Variants in PDE1A observed in about 807,000 individuals in gnomAD.
PDE1A encodes dual specificity calcium/calmodulin-dependent 3',5'-cyclic nucleotide phosphodiesterase 1A.
Under a neutral mutation model 61.7 loss-of-function variants are expected in PDE1A, and 35 were observed. That is an observed-to-expected ratio of 0.57 (90% confidence interval 0.43 to 0.75). The LOEUF is 0.75. Among genes scored for constraint, PDE1A ranks in the 30% least tolerant of loss-of-function variants. PDE1A has a pLI of 0.00. For missense variants in PDE1A, 597 were observed against 630.6 expected (o/e 0.95, Z 0.57); for synonymous variants, 232 against 213.2 (o/e 1.09, Z -0.77).
chr2:182,395,755 T>C (rs1434024314), intron 1 of PDE1A, among the ~76,000 whole-genome samples: 2 of 152,146 alleles, frequency 1.3e-5, no homozygotes, highest in African/African-American at 4.8e-5. Flanking sequence ...TTTGGAGCCT[T>C]TGGAAGGCCC....
chr2:182,630,658 TA>T, the PDE1A span, among the ~76,000 whole-genome samples: 1 of 152,226 alleles, frequency 6.6e-6, no homozygotes, highest in East Asian at 1.9e-4. Context: ...ATTTCATTTT[TA>T]TGTAAACATT....
chr2:182,230,082 T>G, exon 6 of PDE1A: 3 of 1,612,914 alleles, frequency 1.9e-6, no homozygotes, highest in Non-Finnish European at 1.7e-6. Flanking sequence ...GTGATATGGA[T>G]TTTTGTACTT....
intron 2 of PDE1A, among the ~76,000 whole-genome samples, chr2:182,451,557 T>C (rs1002366441): frequency 2.6e-5 from 4 of 152,126 alleles, no homozygotes; most frequent in African/African-American, 9.7e-5. Flanking sequence ...TAAGCCTTTT[T>C]TAAAATGTTA....
At chr2:182,497,805 G>C (rs915497962) in intron 2 of PDE1A, among the ~76,000 whole-genome samples, 4 of 152,000 alleles carry the variant, frequency 2.6e-5, no homozygotes, top group Admixed American at 2.0e-4. Context: ...CACTTTGGGA[G>C]GCCGAGGTCG....
chr2:182,502,174 T>C (rs1400692126), intron 2 of PDE1A, among the ~76,000 whole-genome samples: 1 of 152,230 alleles, frequency 6.6e-6, no homozygotes, highest in African/African-American at 2.4e-5. Context: ...ACCAGAGTTT[T>C]CACCTATCTA....
chr2:182,536,153 C>T, the PDE1A span, among the ~76,000 whole-genome samples: 3 of 152,172 alleles, frequency 2.0e-5, no homozygotes, highest in Non-Finnish European at 4.4e-5. Flanking sequence ...ACTCACACTT[C>T]TCAACTTCTG....
At chr2:182,543,697 TA>T in the PDE1A span, among the ~76,000 whole-genome samples, 669 of 151,146 alleles carry the variant, frequency 4.4e-3, 3 homozygotes, top group African/African-American at 0.015. Flanking sequence ...ATTTTTTCAT[TA>T]AAAAAAAAGA....
At chr2:182,228,966 C>T (rs1027480632) in intron 6 of PDE1A, among the ~76,000 whole-genome samples, 7 of 152,058 alleles carry the variant, frequency 4.6e-5, no homozygotes, top group African/African-American at 7.2e-5. Flanking sequence ...AGGAGTCATG[C>T]GAGGCTGGGC....
chr2:182,353,331 A>G (rs1001621185), intron 1 of PDE1A, among the ~76,000 whole-genome samples: 1 of 152,218 alleles, frequency 6.6e-6, no homozygotes, highest in Admixed American at 6.5e-5. Flanking sequence ...AAATATACTT[A>G]TGAAATGCAA....
chr2:182,212,654 T>G (rs541973797), intron 7 of PDE1A, among the ~76,000 whole-genome samples: 1 of 152,260 alleles, frequency 6.6e-6, no homozygotes, highest in African/African-American at 2.4e-5. Flanking sequence ...AAAGGGGTGA[T>G]GGACGGCACC....
At chr2:182,277,302 C>CA (rs1693490149) in intron 1 of PDE1A, among the ~76,000 whole-genome samples, 1 of 152,082 alleles carries the variant, frequency 6.6e-6, no homozygotes, top group South Asian at 2.1e-4. Flanking sequence ...TAAAATTCCT[C>CA]TCTTTGTACT....
chr2:182,476,554 CATT>C (rs1343410150), intron 2 of PDE1A, among the ~76,000 whole-genome samples: 4 of 151,862 alleles, frequency 2.6e-5, no homozygotes, highest in African/African-American at 9.7e-5. Flanking sequence ...ATAATGCACA[CATT>C]ATTTTGATTA....
At chr2:182,579,211 TC>T in the PDE1A span, among the ~76,000 whole-genome samples, 33 of 152,310 alleles carry the variant, frequency 2.2e-4, no homozygotes, top group South Asian at 6.2e-4. Context: ...TAGTTGACCA[TC>T]TCTGCTGCTG....
chr2:182,185,399 C>T (rs751599384), intron 13 of PDE1A, among the ~76,000 whole-genome samples: 3 of 152,148 alleles, frequency 2.0e-5, no homozygotes, highest in Non-Finnish European at 4.4e-5. Context: ...CCTTCCCATG[C>T]GATTGCTGTG....
At chr2:182,607,650 G>A in the PDE1A span, among the ~76,000 whole-genome samples, 6 of 152,194 alleles carry the variant, frequency 3.9e-5, no homozygotes, top group Non-Finnish European at 7.3e-5. Context: ...TCAAACCCAT[G>A]TTGTTCAGGG....
the PDE1A span, among the ~76,000 whole-genome samples, chr2:182,688,932 G>A: frequency 0.019 from 2,848 of 152,198 alleles, 87 homozygotes; most frequent in African/African-American, 0.066. Context: ...GGACAAAGAA[G>A]GCCATTACAT....
chr2:182,226,199 CAG>C (rs1373224797), intron 6 of PDE1A, among the ~76,000 whole-genome samples: 1 of 149,530 alleles, frequency 6.7e-6, no homozygotes. Context: ...TATGATAACA[CAG>C]AATATAAACT....
At chr2:182,394,777 CCA>C (rs944756924) in intron 1 of PDE1A, among the ~76,000 whole-genome samples, 1 of 152,128 alleles carries the variant, frequency 6.6e-6, no homozygotes, top group Non-Finnish European at 1.5e-5. Flanking sequence ...GGCTAAATCC[CCA>C]CATTGGCTCC....
chr2:182,689,738 T>C, the PDE1A span, among the ~76,000 whole-genome samples: 2 of 152,036 alleles, frequency 1.3e-5, no homozygotes, highest in African/African-American at 4.8e-5. Flanking sequence ...ATGAATCCAG[T>C]AGCTGGTTTT....
Sources: gnomAD v4.1 joint callset for allele counts (sites outside exome capture counted in the v4.1 genomes callset) on GRCh38, gnomAD v4.1.1 for gene constraint, MANE v1.5 for transcripts, NCBI Gene and HGNC (gene_info 2026-07-23, HGNC 2026-07-21) for gene names.